Variants in ATRNL1 observed in about 807,000 individuals in gnomAD.
The protein encoded by ATRNL1 is attractin like 1.
Under a neutral mutation model 182.7 loss-of-function variants are expected in ATRNL1, and 95 were observed. The ratio of observed to expected loss-of-function variants is 0.52; its 90% confidence interval spans 0.44 to 0.62. The LOEUF (loss-of-function observed/expected upper bound fraction) is 0.62. Ranked by LOEUF, ATRNL1 falls within the 20% of genes least tolerant of loss-of-function variation. The pLI, the probability that ATRNL1 is intolerant of heterozygous loss-of-function variation, is 0.00. For missense variants in ATRNL1, 1,471 were observed against 1,679.5 expected, an observed-to-expected ratio of 0.88 and a Z score of 2.17; for synonymous variants, 576 against 568.3, an observed-to-expected ratio of 1.01 and a Z score of -0.19.
In ATRNL1 at chr10:115,704,284, T is replaced by C. The variant is rs1391504772; in HGVS notation, c.3796-22964T>C. Among the ~76,000 whole-genome samples the C allele has an allele frequency of 2.6e-5, 4 of 151,930 alleles. 1 individual carries two copies. The highest frequency in any genetic ancestry group is 9.7e-5 in the African/African-American group (4 of 41,410). On this transcript the variant is annotated intron_variant, in intron 26 of 28. Transcript: ENST00000355044. ...GTGCATCCCTTTGATCTTTGCCTTCTTCATATGGCATTCTCCCTATGTCTC... is the reference window on the plus strand; with the variant it reads ...GTGCATCCCTTTGATCTTTGCCTTCCTCATATGGCATTCTCCCTATGTCTC...
intron 1 of ATRNL1, among the ~76,000 whole-genome samples, chr10:115,097,214 T>C (rs973091507): frequency 1.4e-4 from 22 of 152,170 alleles, no homozygotes; most frequent in African/African-American, 5.1e-4. Context: ...CTGGGTGCCG[T>C]GGCTCAGGCC....
chr10:115,136,293 C>T (rs1259824631), intron 5 of ATRNL1, among the ~76,000 whole-genome samples: 1 of 152,034 alleles, frequency 6.6e-6, no homozygotes, highest in Non-Finnish European at 1.5e-5. Context: ...AAAAAATAGA[C>T]TTCATAGTTT....
intron 21 of ATRNL1, among the ~76,000 whole-genome samples, chr10:115,437,650 C>T (rs1193090030): frequency 3.3e-5 from 5 of 151,906 alleles, no homozygotes; most frequent in Non-Finnish European, 7.4e-5. Context: ...TGTATGTATC[C>T]TTTATAGACT....
intron 26 of ATRNL1, among the ~76,000 whole-genome samples, chr10:115,653,496 T>C (rs994308540): frequency 2.0e-5 from 3 of 152,168 alleles, no homozygotes; most frequent in Non-Finnish European, 4.4e-5. Flanking sequence ...TGCCTTTCCG[T>C]TTGGAATGTT....
At chr10:115,285,772 A>G (rs1852582202) in intron 14 of ATRNL1, among the ~76,000 whole-genome samples, 2 of 152,118 alleles carry the variant, frequency 1.3e-5, no homozygotes, top group African/African-American at 4.8e-5. Context: ...TACCTGAGCT[A>G]TAGAAATTAG....
At chr10:115,499,048 T>C (rs1296784170) in intron 24 of ATRNL1, among the ~76,000 whole-genome samples, 2 of 152,150 alleles carry the variant, frequency 1.3e-5, no homozygotes, top group Non-Finnish European at 1.5e-5. Context: ...AAATTGCTAT[T>C]ATGAATCTTT....
chr10:115,452,361 C>G (rs1386951521), intron 21 of ATRNL1, among the ~76,000 whole-genome samples: 4 of 152,000 alleles, frequency 2.6e-5, no homozygotes, highest in Non-Finnish European at 4.4e-5. Context: ...AACAGATGCT[C>G]TCTTGTATTT....
At chr10:115,509,842 C>A (rs1416850869) in intron 24 of ATRNL1, among the ~76,000 whole-genome samples, 1 of 151,904 alleles carries the variant, frequency 6.6e-6, no homozygotes, top group Non-Finnish European at 1.5e-5. Context: ...GGTGATGATT[C>A]CTCTGATGAA....
intron 19 of ATRNL1, among the ~76,000 whole-genome samples, chr10:115,350,835 T>C (rs2134122849): frequency 6.6e-6 from 1 of 152,270 alleles, no homozygotes; most frequent in African/African-American, 2.4e-5. Context: ...AAGGAGTGCA[T>C]TTAATCTGTA....
intron 27 of ATRNL1, among the ~76,000 whole-genome samples, chr10:115,795,256 C>A (rs955030728): frequency 2.0e-5 from 3 of 152,132 alleles, no homozygotes; most frequent in Non-Finnish European, 4.4e-5. Flanking sequence ...ATATTTATTT[C>A]TCTGTCTATA....
At chr10:115,699,214 T>G (rs1444180207) in intron 26 of ATRNL1, among the ~76,000 whole-genome samples, 1 of 152,124 alleles carries the variant, frequency 6.6e-6, no homozygotes, top group East Asian at 1.9e-4. Flanking sequence ...TTCAGTGTAG[T>G]AAAGTTATCA....
chr10:115,541,482 G>C (rs1431755346), intron 25 of ATRNL1, among the ~76,000 whole-genome samples: 4 of 152,162 alleles, frequency 2.6e-5, no homozygotes, highest in African/African-American at 4.8e-5. Flanking sequence ...TTGAAAACAA[G>C]TTGACATTAT....
rs67934464 is a variant in ATRNL1, at chr10:115,442,303, C to CTG, written c.3322+16007_3322+16008dup. 5.3e-3 allele frequency among the ~76,000 whole-genome samples: 653 copies of CTG among 123,304 alleles called. 9 individuals are homozygous for CTG. Among genetic ancestry groups the CTG allele is most frequent in the East Asian group, 8.2e-3 (39 of 4,750 alleles). The allele number at this position is 123,304 out of a possible 152,430, so 80.9% of individuals were successfully genotyped here. On this transcript the variant is annotated intron_variant, in intron 21 of 28. Transcript: ENST00000355044. ...TCTCTCTCTCTCTCTCTCTCTCTCT[C>CTG]TGTGTGTATGTGTGTGTGTAAACAA...
chr10:115,317,499 C>T (rs985234129), intron 18 of ATRNL1, among the ~76,000 whole-genome samples: 6 of 152,060 alleles, frequency 3.9e-5, no homozygotes, highest in Non-Finnish European at 8.8e-5. Context: ...GCCATTTTTA[C>T]GATATTGATT....
intron 1 of ATRNL1, among the ~76,000 whole-genome samples, chr10:115,119,446 A>G (rs1203473712): frequency 6.6e-6 from 1 of 152,058 alleles, no homozygotes; most frequent in Non-Finnish European, 1.5e-5. Context: ...ATGGGAAGAC[A>G]TTTTAATTCT....
At chr10:115,257,628 G>A (rs1554907426) in intron 10 of ATRNL1, among the ~76,000 whole-genome samples, 2 of 152,162 alleles carry the variant, frequency 1.3e-5, no homozygotes, top group African/African-American at 2.4e-5. Context: ...ATATTGTTAT[G>A]TGTGAATTTG....
intron 10 of ATRNL1, among the ~76,000 whole-genome samples, chr10:115,253,311 C>A (rs1369513630): frequency 1.3e-5 from 2 of 152,100 alleles, no homozygotes; most frequent in Non-Finnish European, 2.9e-5. Flanking sequence ...AATGGCCAGG[C>A]CTTTATACCA....
Position 115,944,666 on chromosome 10 carries a change from A to G in ATRNL1, c.4027A>G (p.Ile1343Val), listed in dbSNP as rs782691849. ...TTTCTCTTTCCTTCCAGGCCTTGCA[A>G]TTGCCAGTGCCCTAATAGATATTTC... ...APPPGQSGLA[I>V]ASALIDISQQ... The change falls in exon 29 of 29, where the codon ATT becomes GTT. Residue 1343 changes from isoleucine to valine, a missense_variant. Ile to Val is a conservative substitution (Grantham distance 29). This residue lies in a region of ATRNL1 where 437 missense variants were observed against 506.0 expected (regional missense o/e 0.86). Coordinates refer to ENST00000355044, the MANE Select transcript of ATRNL1 (RefSeq NM_207303.4). 26 of 1,609,828 alleles carry G rather than the reference A, an allele frequency of 1.6e-5. No homozygotes were observed. Among genetic ancestry groups the G allele is most frequent in the Non-Finnish European group, 2.0e-5 (24 of 1,177,594 alleles).
chr10:115,685,988 T>A (rs1232101339), intron 26 of ATRNL1, among the ~76,000 whole-genome samples: 1 of 151,686 alleles, frequency 6.6e-6, no homozygotes, highest in East Asian at 1.9e-4. Flanking sequence ...TTTGTTCACT[T>A]TTGAGTTACC....
Sources: allele counts gnomAD v4.1 joint callset (sites outside exome capture counted in the v4.1 genomes callset), GRCh38; gene constraint gnomAD v4.1.1; regional missense constraint gnomAD v4.1.1; transcripts MANE v1.5; gene names NCBI Gene and HGNC (gene_info 2026-07-23, HGNC 2026-07-21).